ATF6: variants seen among roughly 807,000 people sequenced by gnomAD.
ATF6 encodes the protein activating transcription factor 6.
Under a neutral mutation model 83.6 loss-of-function variants are expected in ATF6, and 53 were observed. The ratio of observed to expected loss-of-function variants is 0.63; its 90% CI spans 0.51 to 0.80. The LOEUF is 0.80. Ranked by LOEUF, ATF6 falls within the 30% of genes least tolerant of loss-of-function variation. The pLI is 0.00. For missense variants in ATF6, 744 were observed against 797.9 expected, an observed-to-expected ratio of 0.93 and a Z score of 0.81; for synonymous variants, 288 against 285.8, an observed-to-expected ratio of 1.01 and a Z score of -0.08.
intron 6 of ATF6, among the ~76,000 whole-genome samples, chr1:161,793,676 C>G (rs565313061): frequency 1.3e-5 from 2 of 152,276 alleles, no homozygotes; most frequent in East Asian, 3.9e-4. Context: ...ATATGACTAG[C>G]GTATAAAGCA....
intron 14 of ATF6, among the ~76,000 whole-genome samples, chr1:161,894,660 C>T (rs1399441203): frequency 6.8e-6 from 1 of 146,834 alleles, no homozygotes; most frequent in African/African-American, 2.5e-5. Flanking sequence ...CTCAGCCTCC[C>T]GAGTAGCTGG....
At chr1:161,886,742 A>C (rs550258179) in intron 14 of ATF6, among the ~76,000 whole-genome samples, 1 of 152,338 alleles carries the variant, frequency 6.6e-6, no homozygotes, top group African/African-American at 2.4e-5. Context: ...TACAACTACA[A>C]AGTGAAGCAC....
intron 12 of ATF6, 49 bp downstream of exon 12, chr1:161,853,372 G>A: frequency 2.1e-6 from 3 of 1,416,698 alleles, no homozygotes; most frequent in Non-Finnish European, 2.0e-6. Flanking sequence ...TTGTTGGAAG[G>A]CTTCTCCCAG....
At chr1:161,857,440 T>C (rs1686788905) in intron 12 of ATF6, among the ~76,000 whole-genome samples, 1 of 152,172 alleles carries the variant, frequency 6.6e-6, no homozygotes, top group South Asian at 2.1e-4. Context: ...TTTGAGTTTT[T>C]AGAGAAGGTA....
intron 8 of ATF6, among the ~76,000 whole-genome samples, chr1:161,820,600 A>C (rs779065462): frequency 6.6e-6 from 1 of 152,078 alleles, no homozygotes; most frequent in Non-Finnish European, 1.5e-5. Context: ...AAAATACAAA[A>C]GTTAGCTGGG....
In ATF6 at chr1:161,818,326, A is replaced by T. The variant is rs966475; in HGVS notation, c.910-1307A>T. ...TCTCTCACTTCCCCAAAGAAATTAG[A>T]CTAATGTATAACAATAGGCTTCATA... On this transcript the variant is annotated intron_variant, in intron 7 of 15. Transcript: ENST00000367942. 2.8e-3 allele frequency among the ~76,000 whole-genome samples: 419 copies of T among 152,304 alleles called. 1 individual carries two copies. Among genetic ancestry groups the T allele is most frequent in the African/African-American group, 9.8e-3 (406 of 41,550 alleles).
chr1:161,866,267 C>G (rs1296168408), intron 14 of ATF6, among the ~76,000 whole-genome samples: 1 of 152,144 alleles, frequency 6.6e-6, no homozygotes, highest in Non-Finnish European at 1.5e-5. Flanking sequence ...GTAGAAGTAG[C>G]CATTGACTGT....
At chr1:161,785,219 C>T (rs1684718390) in intron 4 of ATF6, among the ~76,000 whole-genome samples, 1 of 152,130 alleles carries the variant, frequency 6.6e-6, no homozygotes. Context: ...TGTTACAGTT[C>T]TAGGTTTTTG....
At chr1:161,776,148 G>A (rs945286929) in intron 1 of ATF6, among the ~76,000 whole-genome samples, 2 of 152,172 alleles carry the variant, frequency 1.3e-5, no homozygotes, top group Non-Finnish European at 2.9e-5. Context: ...AAAGGCAAAA[G>A]ATTCATTCGT....
intron 14 of ATF6, among the ~76,000 whole-genome samples, chr1:161,897,795 GATA>G (rs993898438): frequency 2.0e-5 from 3 of 152,148 alleles, no homozygotes; most frequent in Admixed American, 2.0e-4. Context: ...CGTGTTGAGT[GATA>G]ATATTTTGGA....
At chr1:161,834,770 TATAATA>T (rs966619750) in intron 9 of ATF6, among the ~76,000 whole-genome samples, 1 of 151,760 alleles carries the variant, frequency 6.6e-6, no homozygotes, top group Non-Finnish European at 1.5e-5. Flanking sequence ...AAACCTAAAG[TATAATA>T]ATAATAATAA....
intron 15 of ATF6, among the ~76,000 whole-genome samples, chr1:161,919,864 C>T (rs1219854676): frequency 6.6e-6 from 1 of 152,132 alleles, no homozygotes; most frequent in African/African-American, 2.4e-5. Context: ...AATACTAGTG[C>T]CAGCACATGC....
rs1450004727 is a variant in ATF6, at chr1:161,958,487, A to T, written c.1846A>T (p.Ile616Phe). 1 of 1,613,040 alleles carries T rather than the reference A, an allele frequency of 6.2e-7. No individual in the cohort carries two copies. The highest frequency in any genetic ancestry group is 2.2e-5 in the East Asian group (1 of 44,872). ...GCAGGACTACGAAGTGATGATGCAG[A>T]TTGACTGTCAGGTGATGGACACCAG... ...NGQDYEVMMQ[I>F]DCQVMDTRIL... The change falls in exon 16 of 16, where the codon ATT becomes TTT. Residue 616 changes from isoleucine to phenylalanine, a missense_variant. Ile to Phe is a conservative substitution (Grantham distance 21). Coordinates refer to ENST00000367942, the MANE Select transcript of ATF6 (RefSeq NM_007348.4).
chr1:161,770,684 A>C (rs1180880003), intron 1 of ATF6, among the ~76,000 whole-genome samples: 1 of 152,248 alleles, frequency 6.6e-6, no homozygotes, highest in Non-Finnish European at 1.5e-5. Context: ...TTTGGAGGAC[A>C]CAGTTTAGGC....
chr1:161,907,448 G>A (rs1257541795), intron 14 of ATF6, among the ~76,000 whole-genome samples: 6 of 152,144 alleles, frequency 3.9e-5, no homozygotes, highest in Admixed American at 3.9e-4. Context: ...ATGTTAAGAG[G>A]CTGGTGTTAC....
chr1:161,889,517 A>G (rs1687504623), intron 14 of ATF6, among the ~76,000 whole-genome samples: 1 of 152,222 alleles, frequency 6.6e-6, no homozygotes, highest in African/African-American at 2.4e-5. Flanking sequence ...TCTGAGTTCT[A>G]AATCATGGGA....
chr1:161,871,603 A>G (rs965761306), intron 14 of ATF6, among the ~76,000 whole-genome samples: 20 of 151,686 alleles, frequency 1.3e-4, no homozygotes, highest in African/African-American at 4.6e-4. Context: ...CTGCATTCCC[A>G]GAAAGAACAT....
intron 9 of ATF6, among the ~76,000 whole-genome samples, chr1:161,845,136 A>G (rs528131940): frequency 1.6e-4 from 24 of 152,324 alleles, no homozygotes; most frequent in African/African-American, 4.3e-4. Flanking sequence ...TGGAAAATAT[A>G]TTAAGGGATC....
intron 15 of ATF6, among the ~76,000 whole-genome samples, chr1:161,943,375 G>C (rs928925536): frequency 6.6e-6 from 1 of 152,176 alleles, no homozygotes; most frequent in Non-Finnish European, 1.5e-5. Flanking sequence ...TGCCATGATT[G>C]TAAGTTTCCT....
Sources: gnomAD v4.1 joint callset for allele counts (sites outside exome capture counted in the v4.1 genomes callset) on GRCh38, gnomAD v4.1.1 for gene constraint, MANE v1.5 for transcripts, NCBI Gene and HGNC (gene_info 2026-07-23, HGNC 2026-07-21) for gene names.